VXN: variants seen among roughly 807,000 people sequenced by gnomAD.
VXN encodes the protein uncharacterized protein C8orf46.
In VXN, 7 loss-of-function variants were observed where a neutral mutation model predicts 23.1. The ratio of observed to expected loss-of-function variants is 0.30; its 90% CI spans 0.17 to 0.57. The LOEUF is 0.57. Among genes scored for constraint, VXN ranks in the 20% least tolerant of loss-of-function variants. The pLI is 0.91. For synonymous variants in VXN, 120 were observed against 105.8 expected (o/e 1.13, Z -0.83); for missense variants, 238 against 272.6 (o/e 0.87, Z 0.89).
At chr8:66,509,997 TG>T in intron 3 of VXN, 98 bp from the exon 4 acceptor site, 1 of 1,155,566 alleles carries the variant, frequency 8.7e-7, no homozygotes, top group Non-Finnish European at 1.3e-6. Flanking sequence ...AGAAATTCCC[TG>T]GCGTGGTTGA....
Position 66,495,807 on chromosome 8 carries a change from G to GT in VXN, c.71-629dup, listed in dbSNP as rs1291928763. Among the ~76,000 whole-genome samples, 4 of 152,300 alleles carry GT rather than the reference G, an allele frequency of 2.6e-5. No individual in the cohort carries two copies. The East Asian group carries it at 5.8e-4, about 22-fold the overall frequency. On this transcript the variant is annotated intron_variant, in intron 1 of 5. Coordinates refer to ENST00000305454, the MANE Select transcript of VXN (RefSeq NM_152765.4). ...AAACTATTTTTAAGTGTACAGGTCA[G>GT]TGGCATTAAGTCTATTCACATTGTT...
intron 5 of VXN, among the ~76,000 whole-genome samples, chr8:66,514,849 C>T (rs1376358309): frequency 6.6e-6 from 1 of 152,124 alleles, no homozygotes; most frequent in Non-Finnish European, 1.5e-5. Context: ...TGCAAGCAGG[C>T]GGGGCTCCAG....
chr8:66,493,753 T>C (rs751403363), intron 1 of VXN, 35 bp downstream of exon 1: 2 of 1,579,086 alleles, frequency 1.3e-6, no homozygotes, highest in East Asian at 2.2e-5. Context: ...TTCCTTAACG[T>C]GGCATCTTAG....
Position 66,512,534 on chromosome 8 carries a change from TC to T in VXN, c.343-1005del, listed in dbSNP as rs1295952045. The stretch of plus-strand genomic sequence containing the variant: ...GAGTGTGTCTATTGTCTAAGCAGCC[TC>T]TGGACTTAGCCCTGTTTAGGCCATT... On this transcript the variant is annotated intron_variant, in intron 4 of 5. Coordinates refer to ENST00000305454, the MANE Select transcript of VXN (RefSeq NM_152765.4). Among the ~76,000 whole-genome samples the T allele has an allele frequency of 6.6e-5, 10 of 152,342 alleles. No individual in the cohort carries two copies. The East Asian group carries it at 1.3e-3, about 21-fold the overall frequency.
At chr8:66,498,718 C>G in intron 2 of VXN, 2 of 381,242 alleles carry the variant, frequency 5.2e-6, no homozygotes, top group Non-Finnish European at 1.1e-5. Context: ...ATTCATGCCC[C>G]GGGAGGGGAT....
intron 3 of VXN, among the ~76,000 whole-genome samples, chr8:66,507,853 T>C (rs1173681887): frequency 6.6e-6 from 1 of 152,198 alleles, no homozygotes; most frequent in Non-Finnish European, 1.5e-5. Flanking sequence ...GAAAGGTGCC[T>C]GTTTCCAGGG....
chr8:66,507,639 G>T (rs1430860702), intron 3 of VXN, among the ~76,000 whole-genome samples: 1 of 152,184 alleles, frequency 6.6e-6, no homozygotes, highest in Admixed American at 6.5e-5. Context: ...AGAGCAATAA[G>T]TTATGATATG....
At chr8:66,505,251 A>T in intron 2 of VXN, 124 bp from the exon 3 acceptor site, 1 of 1,291,530 alleles carries the variant, frequency 7.7e-7, no homozygotes, top group Non-Finnish European at 1.1e-6. Flanking sequence ...AATTCACTGG[A>T]ATCACGAAGG....
At chr8:66,505,062 C>T (rs1807734242) in intron 2 of VXN, among the ~76,000 whole-genome samples, 1 of 152,222 alleles carries the variant, frequency 6.6e-6, no homozygotes, top group Admixed American at 6.5e-5. Context: ...CTGGCCTGCC[C>T]GTATCTCTGG....
chr8:66,515,796 AGAG>A lies in VXN; in HGVS notation c.441-93_441-91del, dbSNP rs1807880849. ...TGGATCCCGGTCACTGAGGAGGAGC[AGAG>A]GAGAGAGAGCTCTGGCCACTCTTCT... On this transcript the variant is annotated intron_variant, in intron 5 of 5. Transcript: ENST00000305454. 1.2e-5 allele frequency: 12 copies of A among 1,036,302 alleles called. No homozygotes were observed. In the South Asian group the frequency reaches 1.9e-4, roughly 16 times the overall value. The allele number at this position is 1,036,302 out of a possible 1,614,324, so 64.2% of individuals were successfully genotyped here.
Position 66,505,471 on chromosome 8 carries a change from C to T in VXN, c.223C>T (p.Arg75Trp), listed in dbSNP as rs774421011. The change falls in exon 3 of 6, where the codon CGG (arginine) becomes TGG (tryptophan). Residue 75 changes from arginine to tryptophan, a missense_variant. By Grantham distance (101) the Arg-to-Trp change is moderately radical (BLOSUM62 -3). Transcript: ENST00000305454. ...CCCTGGCGACCGCCGCAGGTTTGGG[C>T]GGCTCCAGACCGCGCGGCCGCCCAC... is the stretch of plus-strand genomic sequence containing the variant. Reference protein sequence around the residue: ...RDPGDRRRFGRLQTARPPTAH... With the variant: ...RDPGDRRRFGWLQTARPPTAH... The T allele has an allele frequency of 1.9e-6, 3 of 1,575,506 alleles. No individual in the cohort carries two copies. The highest frequency in any genetic ancestry group is 3.7e-5 in the Admixed American group (2 of 54,024).
At chr8:66,514,594 C>T (rs1563509973) in intron 5 of VXN, among the ~76,000 whole-genome samples, 1 of 151,976 alleles carries the variant, frequency 6.6e-6, no homozygotes, top group South Asian at 2.1e-4. Context: ...CACGCCCAGC[C>T]GATTTTTGTA....
intron 5 of VXN, 95 bp from the exon 6 acceptor site, chr8:66,515,798 A>T: frequency 9.4e-7 from 1 of 1,068,882 alleles, no homozygotes. Context: ...GGAGGAGCAG[A>T]GGAGAGAGAG....
At chr8:66,507,987 A>G (rs1807778377) in intron 3 of VXN, among the ~76,000 whole-genome samples, 1 of 152,124 alleles carries the variant, frequency 6.6e-6, no homozygotes, top group Admixed American at 6.5e-5. Context: ...AAATGCAGAG[A>G]CCTGACTGAG....
At chr8:66,493,812 A>G (rs1586513362) in intron 1 of VXN, 94 bp downstream of exon 1, 7 of 1,025,232 alleles carry the variant, frequency 6.8e-6, no homozygotes, top group Non-Finnish European at 9.0e-6. Flanking sequence ...GTTTATCCTC[A>G]GGTCTCTGGG....
intron 5 of VXN, among the ~76,000 whole-genome samples, chr8:66,514,948 A>T (rs1237971015): frequency 6.6e-6 from 1 of 152,226 alleles, no homozygotes; most frequent in Non-Finnish European, 1.5e-5. Context: ...TCTGAATGAC[A>T]GAAGATTGGC....
At chr8:66,496,831 T>C (rs1477489710) in intron 2 of VXN, among the ~76,000 whole-genome samples, 1 of 152,216 alleles carries the variant, frequency 6.6e-6, no homozygotes, top group Non-Finnish European at 1.5e-5. Context: ...TTGGCATTCG[T>C]AATGTTCCAT....
intron 3 of VXN, among the ~76,000 whole-genome samples, chr8:66,506,015 C>T (rs952573306): frequency 4.4e-4 from 67 of 152,152 alleles, no homozygotes; most frequent in Non-Finnish European, 9.3e-4. Context: ...AACTCCTGAA[C>T]GCAAGTGATC....
At chr8:66,493,787 T>G in intron 1 of VXN, 69 bp downstream of exon 1, 1 of 1,297,148 alleles carries the variant, frequency 7.7e-7, no homozygotes. Flanking sequence ...GACAGTCACG[T>G]GCTGCCTTAC....
Sources: allele counts gnomAD v4.1 joint callset (sites outside exome capture counted in the v4.1 genomes callset), GRCh38; gene constraint gnomAD v4.1.1; transcripts MANE v1.5; gene names NCBI Gene and HGNC (gene_info 2026-07-23, HGNC 2026-07-21).